The following FLT1 variants were observed in gnomAD, a reference collection of about 807,000 sequenced individuals.
FLT1 encodes fms related receptor tyrosine kinase 1.
A neutral mutation model predicts 156.3 loss-of-function variants in FLT1; 49 were observed. That is an observed-to-expected ratio of 0.31 (90% CI 0.25 to 0.40). The LOEUF is 0.40. Among genes scored for constraint, FLT1 ranks in the 10% least tolerant of loss-of-function variants. The pLI is 1.00. For missense variants in FLT1, 1,322 were observed against 1,637.2 expected (o/e 0.81, Z 3.32); for synonymous variants, 594 against 583.8 (o/e 1.02, Z -0.25).
chr13:28,322,712 TAAG>T lies in FLT1; in HGVS notation c.2953+75_2953+77del, dbSNP rs1480023833. 2 of 1,386,350 alleles carry T rather than the reference TAAG, an allele frequency of 1.4e-6. No individual in the cohort carries two copies. Among genetic ancestry groups the T allele is most frequent in the Middle Eastern group, 2.4e-4 (1 of 4,154 alleles). 85.9% of individuals were successfully genotyped at this position (1,386,350 alleles called of 1,614,324 possible). A position where few individuals can be genotyped will look rare whatever the true frequency, so the allele number is the denominator to read the frequency against. ...CACGGATGTTTATTAGAGTGATAAA[TAAG>T]AAAAAAATTTCAGAGATGCATAGTA... On this transcript the variant is annotated intron_variant, in intron 21 of 29. Coordinates refer to ENST00000282397, the MANE Select transcript of FLT1 (RefSeq NM_002019.4). The surrounding 1 kb of genome is among the most constrained non-coding windows in gnomAD (Gnocchi z 4.3).
chr13:28,391,349 C>A (rs922935257), intron 12 of FLT1, among the ~76,000 whole-genome samples: 1 of 152,144 alleles, frequency 6.6e-6, no homozygotes, highest in Non-Finnish European at 1.5e-5. Flanking sequence ...GACAAACCTG[C>A]CTCCCATTCT....
At chr13:28,318,015 G>C (rs768320330) in intron 24 of FLT1, among the ~76,000 whole-genome samples, 1 of 152,102 alleles carries the variant, frequency 6.6e-6, no homozygotes, top group African/African-American at 2.4e-5. Context: ...CTGGAGTGTG[G>C]TGGCATGATC....
At position 28,311,682 on chromosome 13, in the gene FLT1, C is replaced by T. The variant is rs2138813829; in HGVS notation, c.3543G>A (p.Gly1181=). Residue 1181 remains glycine, a synonymous_variant, in exon 27 of 30, where the codon GGG becomes GGA. Coordinates refer to ENST00000282397, the MANE Select transcript of FLT1 (RefSeq NM_002019.4). ...AGAAGGCAGGAGTTGAGTATGTAAA[C>T]CCACTATTTCCTGTCAGTATGGCAT... ...PINAILTGNS[G]FTYSTPAFSE... 1.2e-6 allele frequency: 2 copies of T among 1,613,610 alleles called. No individual in the cohort carries two copies. The highest frequency in any genetic ancestry group is 1.7e-6 in the Non-Finnish European group (2 of 1,179,614).
chr13:28,314,437 T>G (rs1260310900), intron 25 of FLT1, among the ~76,000 whole-genome samples: 1 of 152,222 alleles, frequency 6.6e-6, no homozygotes, highest in Non-Finnish European at 1.5e-5. Context: ...TATTCCCTTA[T>G]TGAAAGACAT....
chr13:28,353,069 C>T (rs1424473805), intron 15 of FLT1, among the ~76,000 whole-genome samples: 11 of 152,174 alleles, frequency 7.2e-5, no homozygotes, highest in East Asian at 1.9e-4. Context: ...CAAGTGACAA[C>T]GTGCAATCGT....
At chr13:28,428,610 C>T (rs75859605) in intron 8 of FLT1, among the ~76,000 whole-genome samples, 2,098 of 152,304 alleles carry the variant, frequency 0.014, 22 homozygotes, top group South Asian at 0.03. Context: ...GGCTCTGCTA[C>T]TCACTGCAGG....
At chr13:28,403,716 T>G (rs1254761844) in intron 11 of FLT1, among the ~76,000 whole-genome samples, 1 of 152,234 alleles carries the variant, frequency 6.6e-6, no homozygotes, top group African/African-American at 2.4e-5. Flanking sequence ...AATTTGCTGT[T>G]CACTGCTAAT....
chr13:28,402,956 T>G (rs1875546860), intron 11 of FLT1, among the ~76,000 whole-genome samples: 1 of 152,000 alleles, frequency 6.6e-6, no homozygotes, highest in South Asian at 2.1e-4. Flanking sequence ...ATTTTTGTAT[T>G]GCTAGTAGAG....
At chr13:28,357,801 T>G in intron 14 of FLT1, 116 bp from the exon 15 acceptor site, 1 of 928,844 alleles carries the variant, frequency 1.1e-6, no homozygotes, top group Non-Finnish European at 1.8e-6. Flanking sequence ...ATCCGAGCTC[T>G]AGTGAACCTG....
intron 15 of FLT1, among the ~76,000 whole-genome samples, chr13:28,355,230 G>T (rs1296909730): frequency 6.6e-6 from 1 of 152,178 alleles, no homozygotes; most frequent in African/African-American, 2.4e-5. Context: ...TGGGCAAGTT[G>T]TTTAACTTGA....
At chr13:28,329,862 G>A (rs909722154) in intron 18 of FLT1, 134 bp from the exon 19 acceptor site, 6 of 743,288 alleles carry the variant, frequency 8.1e-6, no homozygotes, top group Non-Finnish European at 1.4e-5. Flanking sequence ...CTGCAGAAAG[G>A]CCAAGTCTCC....
At chr13:28,326,782 C>T (rs935035264) in intron 20 of FLT1, among the ~76,000 whole-genome samples, 1 of 152,094 alleles carries the variant, frequency 6.6e-6, no homozygotes, top group East Asian at 1.9e-4. Context: ...TGCCTCAGCC[C>T]CCAAAGTTCT....
chr13:28,400,322 T>G (rs1875355578), intron 11 of FLT1, among the ~76,000 whole-genome samples: 1 of 152,228 alleles, frequency 6.6e-6, no homozygotes, highest in African/African-American at 2.4e-5. Context: ...GTTATGTGGT[T>G]TGAAAATATA....
At chr13:28,489,047 T>C (rs1189468563) in intron 1 of FLT1, among the ~76,000 whole-genome samples, 1 of 152,202 alleles carries the variant, frequency 6.6e-6, no homozygotes, top group Non-Finnish European at 1.5e-5. Context: ...AGAGCCTGGC[T>C]TTGGTGGCTC....
At chr13:28,367,766 C>A (rs986596818) in intron 14 of FLT1, among the ~76,000 whole-genome samples, 3 of 152,210 alleles carry the variant, frequency 2.0e-5, no homozygotes, top group African/African-American at 7.2e-5. Context: ...TGACCAGCAA[C>A]TTCTGTTTTG....
chr13:28,402,647 A>G (rs995429826), intron 11 of FLT1, among the ~76,000 whole-genome samples: 5 of 152,176 alleles, frequency 3.3e-5, no homozygotes, highest in Non-Finnish European at 7.3e-5. Context: ...ATTGTTTAAC[A>G]AAGTCTTCAT....
intron 1 of FLT1, among the ~76,000 whole-genome samples, chr13:28,475,831 T>C (rs1016801579): frequency 2.6e-5 from 4 of 152,232 alleles, no homozygotes; most frequent in African/African-American, 9.6e-5. Flanking sequence ...GAGACTACAC[T>C]ACCAGCTATG....
At chr13:28,413,960 T>C (rs2137513629) in intron 10 of FLT1, among the ~76,000 whole-genome samples, 1 of 152,348 alleles carries the variant, frequency 6.6e-6, no homozygotes, top group African/African-American at 2.4e-5. Context: ...TCAGAGGGCT[T>C]ACCAGTCTTG....
intron 3 of FLT1, among the ~76,000 whole-genome samples, chr13:28,459,183 A>G (rs532776514): frequency 2.1e-4 from 32 of 152,324 alleles, no homozygotes; most frequent in Admixed American, 1.0e-3. Flanking sequence ...GGGTTTCCAG[A>G]CATGTCATCC....
Sources: allele counts gnomAD v4.1 joint callset (sites outside exome capture counted in the v4.1 genomes callset), GRCh38; gene constraint gnomAD v4.1.1; non-coding constraint Gnocchi (gnomAD v3.1); transcripts MANE v1.5; gene names NCBI Gene and HGNC (gene_info 2026-07-23, HGNC 2026-07-21).